The following SETBP1 variants were observed in gnomAD, a reference collection of about 807,000 sequenced individuals.
SETBP1 encodes SET binding protein 1.
Under a neutral mutation model 101.0 loss-of-function variants are expected in SETBP1, and 9 were observed. The observed-to-expected ratio is 0.09, with a 90% CI of 0.05 to 0.16. The LOEUF is 0.16. Among genes scored for constraint, SETBP1 ranks in the 10% least tolerant of loss-of-function variants. SETBP1 has a pLI of 1.00. For missense variants in SETBP1, 1,858 were observed against 2,033.8 expected, an observed-to-expected ratio of 0.91 and a Z score of 1.66; for synonymous variants, 818 against 788.5, an observed-to-expected ratio of 1.04 and a Z score of -0.63.
At chr18:45,002,961 G>GC (rs1232543605) in intron 4 of SETBP1, among the ~76,000 whole-genome samples, 1 of 152,154 alleles carries the variant, frequency 6.6e-6, no homozygotes, top group Non-Finnish European at 1.5e-5. Flanking sequence ...TGGGAGCTGA[G>GC]CACCTTGGTA....
At chr18:44,878,310 T>C (rs1396432285) in intron 3 of SETBP1, among the ~76,000 whole-genome samples, 1 of 150,524 alleles carries the variant, frequency 6.6e-6, no homozygotes, top group African/African-American at 2.4e-5. Context: ...TTCCACTGTC[T>C]TTACATCTTC....
intron 2 of SETBP1, among the ~76,000 whole-genome samples, chr18:44,731,476 G>T (rs1427858365): frequency 1.3e-5 from 2 of 152,080 alleles, no homozygotes; most frequent in African/African-American, 4.8e-5. Flanking sequence ...CAAGAGACCT[G>T]GGTTGTGATT....
At chr18:44,965,586 C>T (rs1322482618) in intron 4 of SETBP1, among the ~76,000 whole-genome samples, 1 of 152,072 alleles carries the variant, frequency 6.6e-6, no homozygotes, top group Non-Finnish European at 1.5e-5. Flanking sequence ...ATCTATATAT[C>T]CTCCAAGTTA....
Position 44,812,428 on chromosome 18 carries a change from C to T in SETBP1, c.487-56802C>T, listed in dbSNP as rs191650337. 2.4e-3 allele frequency among the ~76,000 whole-genome samples: 372 copies of T among 152,034 alleles called. 1 individual carries two copies. The highest frequency in any genetic ancestry group is 6.2e-4 in the Non-Finnish European group (42 of 67,996). ...TTCCTCTAGAAAATAGTGTCAGGGC[C>T]GTAAAATAGCCTTAAGAGAGCAAGA... On this transcript the variant is annotated intron_variant, in intron 2 of 5. Coordinates refer to ENST00000649279, the MANE Select transcript of SETBP1 (RefSeq NM_015559.3).
At chr18:44,820,709 C>T (rs1168781785) in intron 2 of SETBP1, among the ~76,000 whole-genome samples, 2 of 152,158 alleles carry the variant, frequency 1.3e-5, no homozygotes, top group African/African-American at 2.4e-5. Context: ...ATTCCAGTTC[C>T]ACAATGGGCA....
intron 3 of SETBP1, among the ~76,000 whole-genome samples, chr18:44,888,727 G>C (rs1456179730): frequency 6.6e-6 from 1 of 152,062 alleles, no homozygotes; most frequent in Non-Finnish European, 1.5e-5. Flanking sequence ...TTACCCAGGG[G>C]TTTAGAGAAT....
intron 2 of SETBP1, among the ~76,000 whole-genome samples, chr18:44,839,304 T>A (rs543882716): frequency 1.3e-5 from 2 of 152,156 alleles, no homozygotes; most frequent in East Asian, 3.9e-4. Flanking sequence ...AAATAGAAAG[T>A]CTAATCTGTT....
intron 2 of SETBP1, among the ~76,000 whole-genome samples, chr18:44,853,494 ATCCCTATGAGGTAGC>A (rs945305693): frequency 3.9e-5 from 6 of 152,162 alleles, no homozygotes; most frequent in Non-Finnish European, 7.4e-5. Context: ...CCATCCAAAC[ATCCCTATGAGGTAGC>A]TAATGTTATC....
At chr18:44,874,232 C>T (rs1048570332) in intron 3 of SETBP1, among the ~76,000 whole-genome samples, 4 of 152,124 alleles carry the variant, frequency 2.6e-5, no homozygotes, top group African/African-American at 4.8e-5. Flanking sequence ...ATCAAAATTA[C>T]CAGTAATTTT....
intron 2 of SETBP1, among the ~76,000 whole-genome samples, chr18:44,813,878 C>T (rs1418278636): frequency 6.6e-6 from 1 of 152,106 alleles, no homozygotes; most frequent in African/African-American, 2.4e-5. Context: ...TTGTTGTTAA[C>T]CCTGGAACCT....
At chr18:44,892,341 TA>T (rs1236810885) in intron 3 of SETBP1, among the ~76,000 whole-genome samples, 1 of 152,104 alleles carries the variant, frequency 6.6e-6, no homozygotes, top group Non-Finnish European at 1.5e-5. Context: ...ATATGGGAAT[TA>T]AGGATGGGAA....
intron 4 of SETBP1, among the ~76,000 whole-genome samples, chr18:44,962,873 C>T (rs2071640960): frequency 2.0e-5 from 3 of 152,142 alleles, no homozygotes; most frequent in African/African-American, 4.8e-5. Flanking sequence ...AGATGGGGCT[C>T]ACCTTGTTGA....
At chr18:44,820,126 T>C (rs896029210) in intron 2 of SETBP1, among the ~76,000 whole-genome samples, 3 of 152,130 alleles carry the variant, frequency 2.0e-5, no homozygotes, top group African/African-American at 7.2e-5. Context: ...AGGGGGACAT[T>C]CCTCACCAGG....
intron 4 of SETBP1, among the ~76,000 whole-genome samples, chr18:44,967,555 G>A (rs1240584029): frequency 6.6e-6 from 1 of 152,130 alleles, no homozygotes; most frequent in Non-Finnish European, 1.5e-5. Flanking sequence ...TCTGTTTAAG[G>A]TCTTACGGAG....
At chr18:44,861,576 C>A (rs186066077) in intron 2 of SETBP1, among the ~76,000 whole-genome samples, 1 of 151,892 alleles carries the variant, frequency 6.6e-6, no homozygotes, top group African/African-American at 2.4e-5. Context: ...GTATACATAC[C>A]CAAGGTAGCC....
At chr18:44,754,353 A>T (rs1341448176) in intron 2 of SETBP1, among the ~76,000 whole-genome samples, 1 of 152,184 alleles carries the variant, frequency 6.6e-6, no homozygotes, top group Non-Finnish European at 1.5e-5. Context: ...GGCTGTGTTT[A>T]TGAGAACTTA....
chr18:44,821,413 C>T (rs992195972), intron 2 of SETBP1, among the ~76,000 whole-genome samples: 6 of 152,142 alleles, frequency 3.9e-5, no homozygotes, highest in South Asian at 4.1e-4. Flanking sequence ...TACATCCTTG[C>T]GGGGCCCTAC....
chr18:44,802,920 G>T (rs1351991899), intron 2 of SETBP1, among the ~76,000 whole-genome samples: 1 of 152,036 alleles, frequency 6.6e-6, no homozygotes. Flanking sequence ...TTTTCAGTAG[G>T]AATCAGCTAT....
chr18:44,860,989 A>G (rs1028422957), intron 2 of SETBP1, among the ~76,000 whole-genome samples: 1 of 152,198 alleles, frequency 6.6e-6, no homozygotes, highest in African/African-American at 2.4e-5. Context: ...CTCTGTTAAA[A>G]TATGGATTTG....
Sources: allele counts gnomAD v4.1 joint callset (sites outside exome capture counted in the v4.1 genomes callset), GRCh38; gene constraint gnomAD v4.1.1; transcripts MANE v1.5; gene names NCBI Gene and HGNC (gene_info 2026-07-23, HGNC 2026-07-21).